The following CSMD1 variants were observed in gnomAD, a reference collection of about 807,000 sequenced individuals.
The protein encoded by CSMD1 is CUB and sushi domain-containing protein 1.
A neutral mutation model predicts 417.5 loss-of-function variants in CSMD1; 213 were observed. The observed-to-expected ratio is 0.51, with a 90% confidence interval of 0.46 to 0.57. The LOEUF is 0.57. CSMD1 is among the 20% of genes least tolerant of loss of function. The probability of loss-of-function intolerance (pLI) is 0.00; values close to 1 mark genes in which losing one functional copy is unlikely to be tolerated. For missense variants in CSMD1, 6,923 were observed against 4,529.7 expected, an observed-to-expected ratio of 1.53 and a Z score of -15.17; for synonymous variants, 2,862 against 1,736.8, an observed-to-expected ratio of 1.65 and a Z score of -16.11.
intron 25 of CSMD1, among the ~76,000 whole-genome samples, chr8:3,291,992 C>A (rs560690186): frequency 6.6e-6 from 1 of 151,654 alleles, no homozygotes; most frequent in Non-Finnish European, 1.5e-5. Flanking sequence ...CTACACACTG[C>A]TTTGAATGTG....
intron 3 of CSMD1, among the ~76,000 whole-genome samples, chr8:4,187,907 A>G (rs1251478781): frequency 1.3e-5 from 2 of 152,028 alleles, no homozygotes; most frequent in Admixed American, 6.6e-5. Context: ...GATATCATGC[A>G]TTTGTTGTTA....
intron 10 of CSMD1, among the ~76,000 whole-genome samples, chr8:3,560,098 T>C (rs937132883): frequency 2.0e-5 from 3 of 152,118 alleles, no homozygotes; most frequent in Non-Finnish European, 4.4e-5. Context: ...CACCCAGAGA[T>C]TCCAGGACCC....
At chr8:4,642,665 C>T (rs1445235099) in intron 1 of CSMD1, among the ~76,000 whole-genome samples, 1 of 152,126 alleles carries the variant, frequency 6.6e-6, no homozygotes, top group Non-Finnish European at 1.5e-5. Context: ...ACTGGTGTGC[C>T]AAATATGTTC....
At chr8:4,400,309 T>C (rs1186611709) in intron 3 of CSMD1, among the ~76,000 whole-genome samples, 1 of 152,226 alleles carries the variant, frequency 6.6e-6, no homozygotes, top group Non-Finnish European at 1.5e-5. Flanking sequence ...ATTTCGCAGT[T>C]CCTGGTCCCA....
rs146321990 is a variant in CSMD1, at chr8:4,807,534, C to T, written c.86-169976G>A. Among the ~76,000 whole-genome samples, 876 of 152,270 alleles carry T rather than the reference C, an allele frequency of 5.8e-3. 7 individuals are homozygous for T. The highest frequency in any genetic ancestry group is 0.019 in the African/African-American group (794 of 41,548). On this transcript the variant is annotated intron_variant, in intron 1 of 69. Coordinates refer to ENST00000635120, the MANE Select transcript of CSMD1 (RefSeq NM_033225.6). ...ACCCCAGACAAACCAGAGAGCAGGA[C>T]ACCAGTACGTGTTCATTGTTCCGTG... is the stretch of plus-strand genomic sequence containing the variant.
At chr8:4,281,248 A>G (rs1419775294) in intron 3 of CSMD1, among the ~76,000 whole-genome samples, 1 of 152,222 alleles carries the variant, frequency 6.6e-6, no homozygotes, top group African/African-American at 2.4e-5. Flanking sequence ...ATCTCAGGGA[A>G]TTAAAATAAC....
At chr8:4,524,417 T>C (rs562562816) in intron 2 of CSMD1, among the ~76,000 whole-genome samples, 1 of 152,162 alleles carries the variant, frequency 6.6e-6, no homozygotes, top group Non-Finnish European at 1.5e-5. Context: ...ATTCAAGAGT[T>C]GATTTCTGCA....
At chr8:3,959,534 A>C (rs774876284) in intron 5 of CSMD1, among the ~76,000 whole-genome samples, 2 of 152,218 alleles carry the variant, frequency 1.3e-5, no homozygotes, top group Admixed American at 6.5e-5. Flanking sequence ...AACGAACGAA[A>C]GAAAGAAAAG....
chr8:4,089,698 C>T (rs1585290782), intron 3 of CSMD1, among the ~76,000 whole-genome samples: 1 of 152,136 alleles, frequency 6.6e-6, no homozygotes, highest in African/African-American at 2.4e-5. Context: ...ATGTGCCCAA[C>T]ACAGAAAGCT....
intron 2 of CSMD1, among the ~76,000 whole-genome samples, chr8:4,555,467 G>A (rs990540048): frequency 3.9e-5 from 6 of 152,118 alleles, no homozygotes; most frequent in African/African-American, 9.7e-5. Flanking sequence ...ATCAGGGGGC[G>A]ATTCTGAAAC....
chr8:4,021,578 T>C (rs1433614025), intron 4 of CSMD1, among the ~76,000 whole-genome samples: 1 of 152,224 alleles, frequency 6.6e-6, no homozygotes, highest in South Asian at 2.1e-4. Flanking sequence ...ATCATCCTCA[T>C]GCTAAGTCTT....
In CSMD1 at chr8:4,080,003, G is replaced by T. The variant is rs1473485876; in HGVS notation, c.416-47904C>A. Among the ~76,000 whole-genome samples, 250 of 144,564 alleles carry T rather than the reference G, an allele frequency of 1.7e-3. 1 individual carries two copies. Among genetic ancestry groups the T allele is most frequent in the African/African-American group, 5.9e-3 (234 of 39,556 alleles). The allele number at this position is 144,564 out of a possible 152,430, so 94.8% of individuals were successfully genotyped here. A position where few individuals can be genotyped will look rare whatever the true frequency, so the allele number is the denominator to read the frequency against. On this transcript the variant is annotated intron_variant, in intron 3 of 69. Coordinates refer to ENST00000635120, the MANE Select transcript of CSMD1 (RefSeq NM_033225.6). ...AAGAAAATTATGTTCGAATATTGGT[G>T]TTTTTTTTTTTTTCTAGATATCAAA...
At chr8:3,926,793 G>A (rs889189206) in intron 5 of CSMD1, among the ~76,000 whole-genome samples, 2 of 134,728 alleles carry the variant, frequency 1.5e-5, no homozygotes, top group African/African-American at 2.9e-5. Flanking sequence ...TCAGCTCACT[G>A]CAACCTCTGC....
chr8:3,629,716 A>C (rs1319329538), intron 7 of CSMD1, among the ~76,000 whole-genome samples: 1 of 130,040 alleles, frequency 7.7e-6, no homozygotes, highest in Non-Finnish European at 1.7e-5. Flanking sequence ...CGGCACAGAA[A>C]GAATAAAGGT....
At chr8:3,499,799 T>G (rs1796519843) in intron 10 of CSMD1, among the ~76,000 whole-genome samples, 1 of 152,066 alleles carries the variant, frequency 6.6e-6, no homozygotes, top group Non-Finnish European at 1.5e-5. Flanking sequence ...ATGGCTGCGT[T>G]CTCAAGATGT....
intron 5 of CSMD1, among the ~76,000 whole-genome samples, chr8:3,877,228 G>C (rs1404146341): frequency 2.6e-5 from 4 of 152,122 alleles, no homozygotes; most frequent in African/African-American, 9.7e-5. Context: ...CACACTGCTT[G>C]CTTTGAGACC....
At chr8:4,389,550 T>A (rs1803704982) in intron 3 of CSMD1, among the ~76,000 whole-genome samples, 1 of 152,142 alleles carries the variant, frequency 6.6e-6, no homozygotes, top group Non-Finnish European at 1.5e-5. Flanking sequence ...CACTAAAATG[T>A]TAATTTATCA....
At chr8:4,420,605 A>G (rs776152187) in intron 2 of CSMD1, among the ~76,000 whole-genome samples, 5 of 152,166 alleles carry the variant, frequency 3.3e-5, no homozygotes, top group Admixed American at 1.3e-4. Flanking sequence ...CTCAAACATG[A>G]AAGTATTGCA....
intron 7 of CSMD1, among the ~76,000 whole-genome samples, chr8:3,644,165 T>G (rs768180577): frequency 6.6e-6 from 1 of 152,184 alleles, no homozygotes; most frequent in Non-Finnish European, 1.5e-5. Context: ...AGGCCCCCAA[T>G]GTAGACTTAC....
Sources: allele counts gnomAD v4.1 joint callset (sites outside exome capture counted in the v4.1 genomes callset), GRCh38; gene constraint gnomAD v4.1.1; transcripts MANE v1.5; gene names NCBI Gene and HGNC (gene_info 2026-07-23, HGNC 2026-07-21).